SLC36A2: variants seen among roughly 807,000 people sequenced by gnomAD.
SLC36A2 encodes the protein proton-coupled amino acid transporter 2.
In SLC36A2, 39 loss-of-function variants were observed where a neutral mutation model predicts 42.7. That is an observed-to-expected ratio of 0.91 (90% CI 0.71 to 1.19). SLC36A2 has a LOEUF of 1.19. SLC36A2 is among the 50% of genes most tolerant of loss of function. SLC36A2 has a pLI of 0.00. For missense variants in SLC36A2, 590 were observed against 613.7 expected, an observed-to-expected ratio of 0.96 and a Z score of 0.41; for synonymous variants, 237 against 240.8, an observed-to-expected ratio of 0.98 and a Z score of 0.15.
At position 151,333,303 on chromosome 5, in the gene SLC36A2, C is replaced by T. The variant is rs751607197; in HGVS notation, c.764G>A (p.Arg255Gln). ...CTTCCAGCTTGCTACCAGTGGCAAC[C>T]GGCTGGGGTCTGGGATTTCCTAAAG... Reference protein sequence around the residue: ...YITQEIPDPSRLPLVASWKTY... With the variant: ...YITQEIPDPSQLPLVASWKTY... The change falls in exon 7 of 10, where the codon CGG becomes CAG. Residue 255 changes from arginine (R) to glutamine (Q), a missense_variant. By Grantham distance (43) the Arg-to-Gln change is conservative (BLOSUM62 1). Coordinates refer to ENST00000335244, the MANE Select transcript of SLC36A2 (RefSeq NM_181776.3). 28 of 1,613,858 alleles carry T rather than the reference C, an allele frequency of 1.7e-5. No homozygotes were observed. The highest frequency in any genetic ancestry group is 1.6e-4 in the Middle Eastern group (1 of 6,082).
At chr5:151,319,945 G>T (rs1005156446) in intron 9 of SLC36A2, among the ~76,000 whole-genome samples, 4 of 152,102 alleles carry the variant, frequency 2.6e-5, no homozygotes, top group African/African-American at 9.7e-5. Flanking sequence ...TAGCTTCTTT[G>T]TACAGACTTA....
intron 7 of SLC36A2, among the ~76,000 whole-genome samples, chr5:151,331,121 A>G (rs146417710): frequency 6.6e-6 from 1 of 152,210 alleles, no homozygotes; most frequent in African/African-American, 2.4e-5. Flanking sequence ...TTGTGCTGGG[A>G]TAACTGGATA....
chr5:151,343,439 T>C lies in SLC36A2; in HGVS notation c.344+71A>G, dbSNP rs999965046. 6.3e-6 allele frequency: 9 copies of C among 1,425,412 alleles called. No homozygotes were observed. The African/African-American group carries it at 1.3e-4, about 20-fold the overall frequency. The allele number at this position is 1,425,412 out of a possible 1,614,324, so 88.3% of individuals were successfully genotyped here. On this transcript the variant is annotated intron_variant, in intron 3 of 9. Transcript: ENST00000335244. ...CTAAGAAGTAAATTTCTATTATGCA[T>C]AGGATGTTTCTGGGCTATCCCTGAG...
At chr5:151,322,686 C>T (rs562852122) in intron 8 of SLC36A2, among the ~76,000 whole-genome samples, 2 of 152,248 alleles carry the variant, frequency 1.3e-5, no homozygotes, top group Admixed American at 1.3e-4. Flanking sequence ...ACTGTTGCCT[C>T]TAGTTGAGAG....
chr5:151,324,841 T>C lies in SLC36A2; in HGVS notation c.1010+445A>G, dbSNP rs576772241. On this transcript the variant is annotated intron_variant, in intron 8 of 9. Transcript: ENST00000335244. ...TTTTTGTAGAAGTGGGGTCTTACCATGTTGCCCAGGTTGGCCCAATTGGTT... is the reference window on the plus strand; with the variant it reads ...TTTTTGTAGAAGTGGGGTCTTACCACGTTGCCCAGGTTGGCCCAATTGGTT... 2.2e-4 allele frequency among the ~76,000 whole-genome samples: 33 copies of C among 152,338 alleles called. No homozygotes were observed. The South Asian group carries it at 6.6e-3, about 31-fold the overall frequency.
At chr5:151,334,409 G>A (rs1474827999) in intron 6 of SLC36A2, among the ~76,000 whole-genome samples, 2 of 151,894 alleles carry the variant, frequency 1.3e-5, no homozygotes, top group South Asian at 4.2e-4. Context: ...GAAGAATTAG[G>A]CTGGGCGTGG....
intron 7 of SLC36A2, chr5:151,332,541 A>T (rs979431778): frequency 2.3e-6 from 1 of 429,942 alleles, no homozygotes; most frequent in Non-Finnish European, 4.6e-6. Context: ...ATAGAAAGCA[A>T]GGTGTTATTG....
Position 151,320,801 on chromosome 5 carries a change from A to G in SLC36A2, c.1180+1245T>C, listed in dbSNP as rs144097613. ...TTTAAAAATCTGCATTTGTATGGAG[A>G]TTGCCCACATTTTAAATGTTGGCCC... On this transcript the variant is annotated intron_variant, in intron 9 of 9. Transcript: ENST00000335244. 7.3e-3 allele frequency among the ~76,000 whole-genome samples: 1,111 copies of G among 152,286 alleles called. 12 individuals carry two copies. The highest frequency in any genetic ancestry group is 0.012 in the Non-Finnish European group (808 of 68,026).
At chr5:151,338,026 T>C (rs1325961324) in intron 5 of SLC36A2, among the ~76,000 whole-genome samples, 3 of 152,232 alleles carry the variant, frequency 2.0e-5, no homozygotes, top group Non-Finnish European at 4.4e-5. Context: ...ACAGAGTTTA[T>C]AATCTCAGTT....
chr5:151,325,270 CAGCCCATGA>C lies in SLC36A2; in HGVS notation c.1010+7_1010+15del, dbSNP rs1185824008. On this transcript the variant is annotated splice_region_variant and intron_variant, in intron 8 of 9. Transcript: ENST00000335244. ...CCATTCCTGAGTCCCCACCACCTGA[CAGCCCATGA>C]AGATACCAGCAGTTAGGCAGGTTAA... The C allele has an allele frequency of 8.7e-6, 14 of 1,611,932 alleles. 1 individual carries two copies. The East Asian group carries it at 1.1e-4, about 13-fold the overall frequency.
At chr5:151,344,322 G>A in intron 1 of SLC36A2, 55 bp from the exon 2 acceptor site, 1 of 1,455,790 alleles carries the variant, frequency 6.9e-7, no homozygotes, top group Non-Finnish European at 9.6e-7. Context: ...AGAAGATCCA[G>A]CGGTGATTCC....
Position 151,330,584 on chromosome 5 carries a change from G to A in SLC36A2, c.843+2640C>T, listed in dbSNP as rs74807078. Among the ~76,000 whole-genome samples the A allele has an allele frequency of 1.4e-3, 210 of 152,296 alleles. 1 individual carries two copies. The highest frequency in any genetic ancestry group is 4.9e-3 in the African/African-American group (205 of 41,560). On this transcript the variant is annotated intron_variant, in intron 7 of 9. Transcript: ENST00000335244. Reference sequence around the variant, plus strand: ...ATGCTGAAGGGAAATGATGCCAGAAGGAAATGGGATTTCAAGAATAAAGAA... The same window carrying A: ...ATGCTGAAGGGAAATGATGCCAGAAAGAAATGGGATTTCAAGAATAAAGAA...
rs916513796 is a variant in SLC36A2, at chr5:151,317,187, C to T, written c.1181-99G>A. On this transcript the variant is annotated intron_variant, in intron 9 of 9. Transcript: ENST00000335244. ...CTCTTCTTGGCCAGGCACAGTGGCT[C>T]ACACTTGTAATCCCAGCACTTTGGG... 19 of 1,477,542 alleles carry T rather than the reference C, an allele frequency of 1.3e-5. No individual in the cohort carries two copies. In the Admixed American group the frequency reaches 2.6e-4, roughly 20 times the overall value. The allele number at this position is 1,477,542 out of a possible 1,614,324, so 91.5% of individuals were successfully genotyped here.
rs748431387 is a variant in SLC36A2 at position 151,342,941 on chromosome 5, A to T, written c.387T>A (p.His129Gln). Residue 129 changes from histidine to glutamine, a missense_variant, in exon 4 of 10, where the codon CAT (histidine) becomes CAA (glutamine). By Grantham distance (24) the His-to-Gln change is conservative. Transcript: ENST00000335244. The part of the protein sequence containing the change: ...PFMDYGDTVM[H>Q]GLEANPNAWL... ...AGGCGTTGGGGTTGGCTTCTAGTCC[A>T]TGCATCACCGTGTCCCCATAGTCCA... 18 of 1,614,118 alleles carry T rather than the reference A, an allele frequency of 1.1e-5. No homozygotes were observed. The highest frequency in any genetic ancestry group is 6.6e-5 in the South Asian group (6 of 91,080).
chr5:151,341,032 G>A (rs974919951), intron 4 of SLC36A2, among the ~76,000 whole-genome samples: 7 of 152,106 alleles, frequency 4.6e-5, no homozygotes, highest in Non-Finnish European at 7.4e-5. Context: ...AAGTTCTGGG[G>A]TACATATGCA....
rs1423280932 is a variant in SLC36A2 at position 151,333,333 on chromosome 5, A to T, written c.745-11T>A. On this transcript the variant is annotated splice_polypyrimidine_tract_variant and intron_variant, in intron 6 of 9. Coordinates refer to ENST00000335244, the MANE Select transcript of SLC36A2 (RefSeq NM_181776.3). ...GGGGTCTGGGATTTCCTAAAGAAGA[A>T]AGAAATGCTATGAGACAGTCACTCT... The T allele has an allele frequency of 6.2e-7, 1 of 1,610,236 alleles. No individual in the cohort carries two copies. The highest frequency in any genetic ancestry group is 1.7e-5 in the Admixed American group (1 of 60,008).
At position 151,344,159 on chromosome 5, in the gene SLC36A2, A is replaced by G; in HGVS notation, c.255+18T>C. ...CTGCAACTGACCATAAAGCCCCCACATGTGGCGCCTCTCTTACCAGGATGC... is the reference window on the plus strand; with the variant it reads ...CTGCAACTGACCATAAAGCCCCCACGTGTGGCGCCTCTCTTACCAGGATGC... On this transcript the variant is annotated intron_variant, in intron 2 of 9. Transcript: ENST00000335244. The G allele has an allele frequency of 2.5e-6, 4 of 1,611,808 alleles. No individual in the cohort carries two copies. Among genetic ancestry groups the G allele is most frequent in the Non-Finnish European group, 3.4e-6 (4 of 1,178,506 alleles).
chr5:151,327,297 C>G (rs79611511), intron 7 of SLC36A2, among the ~76,000 whole-genome samples: 1 of 152,094 alleles, frequency 6.6e-6, no homozygotes, highest in Non-Finnish European at 1.5e-5. Context: ...ATAACTGATC[C>G]CAAGTTGCAG....
rs190638160 is a variant in SLC36A2 at position 151,340,106 on chromosome 5, A to T, written c.441-962T>A. On this transcript the variant is annotated intron_variant, in intron 4 of 9. Transcript: ENST00000335244. ...GGAGGAGAGGAAAAAGAGGAGAAGGAGGAGGAAGAAGAGGAGGAGAAGGAG... is the reference window on the plus strand; with the variant it reads ...GGAGGAGAGGAAAAAGAGGAGAAGGTGGAGGAAGAAGAGGAGGAGAAGGAG... 4.1e-3 allele frequency among the ~76,000 whole-genome samples: 547 copies of T among 133,314 alleles called. 2 individuals carry two copies. Among genetic ancestry groups the T allele is most frequent in the African/African-American group, 0.021 (526 of 25,130 alleles). The allele number at this position is 133,314 out of a possible 152,430, so 87.5% of individuals were successfully genotyped here.
Sources: allele counts gnomAD v4.1 joint callset (sites outside exome capture counted in the v4.1 genomes callset), GRCh38; gene constraint gnomAD v4.1.1; transcripts MANE v1.5; gene names NCBI Gene and HGNC (gene_info 2026-07-23, HGNC 2026-07-21).